C8orf34: variants seen among roughly 807,000 people sequenced by gnomAD.
The protein encoded by C8orf34 is chromosome 8 open reading frame 34.
A neutral mutation model predicts 68.3 loss-of-function variants in C8orf34; 65 were observed. The ratio of observed to expected loss-of-function variants is 0.95; its 90% CI spans 0.78 to 1.17. The LOEUF (loss-of-function observed/expected upper bound fraction) is 1.17, where lower values mean the gene tolerates loss of function less well. Among genes scored for constraint, C8orf34 ranks in the 50% most tolerant of loss-of-function variants. C8orf34 has a pLI of 0.00. For synonymous variants in C8orf34, 244 were observed against 241.2 expected (o/e 1.01, Z -0.11); for missense variants, 664 against 655.4 (o/e 1.01, Z -0.14).
intron 7 of C8orf34, among the ~76,000 whole-genome samples, chr8:68,552,542 C>T (rs1353962004): frequency 6.6e-6 from 1 of 151,932 alleles, no homozygotes; most frequent in Non-Finnish European, 1.5e-5. Flanking sequence ...TTTTATTTTG[C>T]AGTCTTACTT....
chr8:68,699,018 T>C (rs1370087441), intron 8 of C8orf34, among the ~76,000 whole-genome samples: 6 of 151,920 alleles, frequency 3.9e-5, no homozygotes, highest in Non-Finnish European at 8.8e-5. Flanking sequence ...CGGAAGGCAA[T>C]ATACCCTGTC....
At chr8:68,632,316 A>G (rs1328375808) in intron 7 of C8orf34, among the ~76,000 whole-genome samples, 1 of 152,186 alleles carries the variant, frequency 6.6e-6, no homozygotes, top group Non-Finnish European at 1.5e-5. Flanking sequence ...GATTTAGGGT[A>G]TCTGGCAGAA....
chr8:68,590,665 C>A (rs1817360769), intron 7 of C8orf34, among the ~76,000 whole-genome samples: 1 of 152,142 alleles, frequency 6.6e-6, no homozygotes, highest in South Asian at 2.1e-4. Context: ...ATGTGGAAGT[C>A]CCCCAAGATT....
intron 10 of C8orf34, among the ~76,000 whole-genome samples, chr8:68,746,670 C>G (rs1163717592): frequency 1.3e-5 from 2 of 148,340 alleles, no homozygotes; most frequent in Non-Finnish European, 3.0e-5. Flanking sequence ...TACACCCTCC[C>G]AAGACTAAAC....
rs1160845483 is a variant in C8orf34 at position 68,567,577 on chromosome 8, C to CTTTTTTTTT, written c.1105+34455_1105+34463dup. On this transcript the variant is annotated intron_variant, in intron 7 of 13. Coordinates refer to ENST00000518698, the MANE Select transcript of C8orf34 (RefSeq NM_052958.4). ...TCTTTTCAAATTTTGTTTCATTTAT[C>CTTTTTTTTT]TTTTTTTTTTTTTTTTTTTTTTTTT... Among the ~76,000 whole-genome samples, 60 of 29,798 alleles carry CTTTTTTTTT rather than the reference C, an allele frequency of 2.0e-3. 11 individuals are homozygous for CTTTTTTTTT. The highest frequency in any genetic ancestry group is 0.012 in the East Asian group (8 of 646). 19.5% of individuals were successfully genotyped at this position (29,798 alleles called of 152,430 possible).
At chr8:68,427,031 A>C (rs1810257873) in intron 1 of C8orf34, among the ~76,000 whole-genome samples, 1 of 152,232 alleles carries the variant, frequency 6.6e-6, no homozygotes, top group African/African-American at 2.4e-5. Flanking sequence ...TTAAAATTAC[A>C]ATGAGATATC....
chr8:68,718,001 T>G (rs768486331), intron 9 of C8orf34, among the ~76,000 whole-genome samples: 2 of 152,204 alleles, frequency 1.3e-5, no homozygotes, highest in Non-Finnish European at 2.9e-5. Flanking sequence ...TGGTTTCTGC[T>G]CATAGATATT....
At chr8:68,817,214 C>A (rs184091075) in intron 13 of C8orf34, among the ~76,000 whole-genome samples, 1 of 152,030 alleles carries the variant, frequency 6.6e-6, no homozygotes, top group Non-Finnish European at 1.5e-5. Context: ...ACAGAAAATG[C>A]GCTGATGGTG....
chr8:68,646,145 T>G (rs900538412), intron 8 of C8orf34, among the ~76,000 whole-genome samples: 5 of 152,158 alleles, frequency 3.3e-5, no homozygotes, highest in Non-Finnish European at 5.9e-5. Flanking sequence ...GTGTCATCTG[T>G]GGCCCTTATG....
chr8:68,518,102 A>C (rs1252127018), intron 5 of C8orf34, among the ~76,000 whole-genome samples: 1 of 152,196 alleles, frequency 6.6e-6, no homozygotes, highest in Non-Finnish European at 1.5e-5. Flanking sequence ...TATACACAGA[A>C]TTTTATGGTT....
intron 3 of C8orf34, among the ~76,000 whole-genome samples, chr8:68,450,983 T>C (rs1811320322): frequency 6.6e-6 from 1 of 152,158 alleles, no homozygotes. Context: ...TTTGTCTACA[T>C]TGACAATCTG....
At chr8:68,571,825 T>C (rs955061881) in intron 7 of C8orf34, among the ~76,000 whole-genome samples, 2 of 152,146 alleles carry the variant, frequency 1.3e-5, no homozygotes, top group African/African-American at 4.8e-5. Context: ...GAAAACCAAA[T>C]GTGAATTTTT....
intron 7 of C8orf34, among the ~76,000 whole-genome samples, chr8:68,577,363 A>G (rs1476608794): frequency 6.6e-6 from 1 of 152,014 alleles, no homozygotes; most frequent in Non-Finnish European, 1.5e-5. Flanking sequence ...GAGAGGAATT[A>G]TCATATAGGT....
chr8:68,513,118 G>A (rs1220403058), intron 5 of C8orf34, among the ~76,000 whole-genome samples: 2 of 152,118 alleles, frequency 1.3e-5, no homozygotes, highest in African/African-American at 2.4e-5. Context: ...GTTCACCTAC[G>A]TTACATTTTA....
chr8:68,486,108 T>A (rs1813067582), intron 4 of C8orf34, among the ~76,000 whole-genome samples: 1 of 152,234 alleles, frequency 6.6e-6, no homozygotes, highest in African/African-American at 2.4e-5. Flanking sequence ...TTTCTTAACA[T>A]CTGAGTTATT....
intron 6 of C8orf34, among the ~76,000 whole-genome samples, chr8:68,528,980 C>T (rs1435531117): frequency 6.6e-6 from 1 of 152,166 alleles, no homozygotes; most frequent in East Asian, 1.9e-4. Context: ...CTCCACTCAG[C>T]GCTAGGTCCT....
At position 68,527,270 on chromosome 8, in the gene C8orf34, G is replaced by A. The variant is rs369504835; in HGVS notation, c.938+5299G>A. Reference sequence around the variant, plus strand: ...ATATTGTAACCCATTTCATCCTTATGAAAACACTATTATTCAGAAATGAGA... The same window carrying A: ...ATATTGTAACCCATTTCATCCTTATAAAAACACTATTATTCAGAAATGAGA... On this transcript the variant is annotated intron_variant, in intron 6 of 13. Coordinates refer to ENST00000518698, the MANE Select transcript of C8orf34 (RefSeq NM_052958.4). Among the ~76,000 whole-genome samples the A allele has an allele frequency of 2.0e-4, 30 of 152,176 alleles. No individual in the cohort carries two copies. The East Asian group carries it at 4.3e-3, about 22-fold the overall frequency.
At chr8:68,758,528 C>T (rs1822933527) in intron 10 of C8orf34, among the ~76,000 whole-genome samples, 1 of 152,140 alleles carries the variant, frequency 6.6e-6, no homozygotes, top group East Asian at 1.9e-4. Flanking sequence ...AACATATTTA[C>T]ATTTGTTCTG....
At chr8:68,660,790 G>A (rs919689198) in intron 8 of C8orf34, among the ~76,000 whole-genome samples, 7 of 152,018 alleles carry the variant, frequency 4.6e-5, no homozygotes, top group South Asian at 4.1e-4. Context: ...CCTATGAATC[G>A]GGGTCCTGGC....
Sources: gnomAD v4.1 joint callset for allele counts (sites outside exome capture counted in the v4.1 genomes callset) on GRCh38, gnomAD v4.1.1 for gene constraint, MANE v1.5 for transcripts, NCBI Gene and HGNC (gene_info 2026-07-23, HGNC 2026-07-21) for gene names.